Variants in OPCML observed in about 807,000 individuals in gnomAD.
OPCML encodes opioid binding protein/cell adhesion molecule like.
A neutral mutation model predicts 37.8 loss-of-function variants in OPCML; 13 were observed. The observed-to-expected ratio is 0.34, with a 90% CI of 0.22 to 0.55. OPCML has a LOEUF of 0.55. Among genes scored for constraint, OPCML ranks in the 20% least tolerant of loss-of-function variants. The pLI, the probability that OPCML is intolerant of heterozygous loss-of-function variation, is 0.91. For synonymous variants in OPCML, 176 were observed against 168.8 expected (o/e 1.04, Z -0.33); for missense variants, 341 against 435.6 (o/e 0.78, Z 1.93).
chr11:133,495,349 C>T (rs967916433), intron 1 of OPCML, among the ~76,000 whole-genome samples: 5 of 152,142 alleles, frequency 3.3e-5, no homozygotes, highest in African/African-American at 9.7e-5. Flanking sequence ...TTGTGAATTG[C>T]ACTGCTATAA....
At position 132,731,825 on chromosome 11, in the gene OPCML, A is replaced by G. The variant is rs375935582; in HGVS notation, c.147-74506T>C. Among the ~76,000 whole-genome samples the G allele has an allele frequency of 7.2e-5, 11 of 152,304 alleles. No homozygotes were observed. In the East Asian group the frequency reaches 2.1e-3, roughly 29 times the overall value. The stretch of plus-strand genomic sequence containing the variant: ...TTAAGTCATGGCAAAAAGAAATACA[A>G]TTGTCAACTGCATGTAGGAAATGCA... On this transcript the variant is annotated intron_variant, in intron 2 of 7. Coordinates refer to ENST00000524381, the MANE Select transcript of OPCML (RefSeq NM_001012393.5).
At chr11:132,518,810 T>A (rs1390011232) in intron 4 of OPCML, among the ~76,000 whole-genome samples, 1 of 152,202 alleles carries the variant, frequency 6.6e-6, no homozygotes, top group Non-Finnish European at 1.5e-5. Context: ...ACGTCTATCT[T>A]ACACATCATT....
At chr11:132,829,741 T>G (rs1359571211) in intron 2 of OPCML, among the ~76,000 whole-genome samples, 3 of 152,216 alleles carry the variant, frequency 2.0e-5, no homozygotes, top group Non-Finnish European at 4.4e-5. Flanking sequence ...GGGGGTTTGC[T>G]TTGGTTTTCT....
At chr11:132,834,446 G>A (rs1485264206) in intron 2 of OPCML, among the ~76,000 whole-genome samples, 1 of 152,214 alleles carries the variant, frequency 6.6e-6, no homozygotes, top group Non-Finnish European at 1.5e-5. Flanking sequence ...ACACAGTTCT[G>A]AAGGGTAGAA....
intron 1 of OPCML, among the ~76,000 whole-genome samples, chr11:133,371,089 T>G (rs1027417125): frequency 6.6e-6 from 1 of 152,258 alleles, no homozygotes; most frequent in Non-Finnish European, 1.5e-5. Context: ...TCATTTATCA[T>G]GAGATACAAA....
rs1351892109 is a variant in OPCML, at chr11:133,012,758, C to T, written c.62-69748G>A. Among the ~76,000 whole-genome samples the T allele has an allele frequency of 2.6e-5, 4 of 151,748 alleles. No individual in the cohort carries two copies. The East Asian group carries it at 5.8e-4, about 22-fold the overall frequency. ...GGCATGGTGGCACATGCCTGTAATC[C>T]CAGCTACTCGGGAGGCTGAGGCAGG... On this transcript the variant is annotated intron_variant, in intron 1 of 7. Transcript: ENST00000524381.
intron 1 of OPCML, chr11:133,301,970 A>G (rs1453402368): frequency 6.6e-6 from 1 of 152,228 alleles, no homozygotes; most frequent in Non-Finnish European, 1.5e-5. Flanking sequence ...TTTAGTCCAC[A>G]TACGTAATTT....
chr11:132,517,601 C>T (rs1220279719), intron 4 of OPCML, among the ~76,000 whole-genome samples: 5 of 152,178 alleles, frequency 3.3e-5, no homozygotes, highest in Admixed American at 1.3e-4. Flanking sequence ...ATCTACAGAA[C>T]TTGTAAAGTC....
At chr11:132,778,060 G>A (rs1323463651) in intron 2 of OPCML, among the ~76,000 whole-genome samples, 6 of 152,290 alleles carry the variant, frequency 3.9e-5, no homozygotes, top group African/African-American at 1.4e-4. Context: ...CTGGAAGGCT[G>A]ACCAGCAGTA....
At chr11:133,444,818 G>A (rs1003863554) in intron 1 of OPCML, among the ~76,000 whole-genome samples, 2 of 145,400 alleles carry the variant, frequency 1.4e-5, no homozygotes, top group Non-Finnish European at 3.0e-5. Flanking sequence ...GCATGCAGCT[G>A]TATCCATGGT....
chr11:132,487,495 G>A (rs1289886317), intron 4 of OPCML, among the ~76,000 whole-genome samples: 4 of 152,188 alleles, frequency 2.6e-5, no homozygotes, highest in African/African-American at 7.2e-5. Context: ...CTACAGTAAC[G>A]GTGAGCAGCA....
intron 3 of OPCML, among the ~76,000 whole-genome samples, chr11:132,628,948 A>T (rs1394350858): frequency 6.6e-6 from 1 of 152,162 alleles, no homozygotes; most frequent in Non-Finnish European, 1.5e-5. Context: ...ATGCTGAATT[A>T]AACCTCTTTC....
At chr11:132,736,011 C>T (rs866233197) in intron 2 of OPCML, among the ~76,000 whole-genome samples, 4 of 152,252 alleles carry the variant, frequency 2.6e-5, no homozygotes, top group Middle Eastern at 3.4e-3. Context: ...AGAAATAGCC[C>T]AGGCCTTGTG....
intron 7 of OPCML, among the ~76,000 whole-genome samples, chr11:132,432,900 G>A (rs1246763196): frequency 1.3e-5 from 2 of 152,256 alleles, no homozygotes; most frequent in Admixed American, 1.3e-4. Flanking sequence ...TGCCTGGCTT[G>A]TAACGGGTCC....
chr11:132,480,361 G>A (rs2096175205), intron 4 of OPCML, among the ~76,000 whole-genome samples: 1 of 152,150 alleles, frequency 6.6e-6, no homozygotes, highest in African/African-American at 2.4e-5. Flanking sequence ...AAGAAATATG[G>A]GACTATGTGA....
At chr11:132,444,570 T>G (rs1449396240) in intron 4 of OPCML, among the ~76,000 whole-genome samples, 1 of 152,200 alleles carries the variant, frequency 6.6e-6, no homozygotes, top group Admixed American at 6.5e-5. Context: ...CTTAACTCAT[T>G]ACAGCAGCTA....
chr11:133,100,507 A>G (rs1216053320), intron 1 of OPCML, among the ~76,000 whole-genome samples: 1 of 152,236 alleles, frequency 6.6e-6, no homozygotes, highest in African/African-American at 2.4e-5. Flanking sequence ...CAGAATAGTT[A>G]ACTCAATATT....
At chr11:133,356,527 A>T (rs538570817) in intron 1 of OPCML, among the ~76,000 whole-genome samples, 1 of 152,338 alleles carries the variant, frequency 6.6e-6, no homozygotes, top group Admixed American at 6.5e-5. Context: ...ATGTGGACAG[A>T]GGATCCCATC....
intron 1 of OPCML, among the ~76,000 whole-genome samples, chr11:133,520,331 AG>A (rs1176168577): frequency 6.6e-6 from 1 of 152,094 alleles, no homozygotes. Context: ...GAGGCTCCCA[AG>A]AAGCTGAGCC....
Sources: gnomAD v4.1 joint callset for allele counts (sites outside exome capture counted in the v4.1 genomes callset) on GRCh38, gnomAD v4.1.1 for gene constraint, MANE v1.5 for transcripts, NCBI Gene and HGNC (gene_info 2026-07-23, HGNC 2026-07-21) for gene names.